DHRS7C: variants seen among roughly 807,000 people sequenced by gnomAD.
DHRS7C encodes dehydrogenase/reductase 7C.
A neutral mutation model predicts 29.6 loss-of-function variants in DHRS7C; 28 were observed. The observed-to-expected ratio is 0.95, with a 90% CI of 0.70 to 1.30. The LOEUF is 1.30. Among genes scored for constraint, DHRS7C ranks in the 50% most tolerant of loss-of-function variants. The pLI, the probability that DHRS7C is intolerant of heterozygous loss-of-function variation, is 0.00. For synonymous variants in DHRS7C, 158 were observed against 160.2 expected (o/e 0.99, Z 0.10); for missense variants, 403 against 393.3 (o/e 1.02, Z -0.21).
chr17:9,780,820 G>A (rs1253748249), intron 2 of DHRS7C, among the ~76,000 whole-genome samples: 3 of 152,354 alleles, frequency 2.0e-5, no homozygotes, highest in East Asian at 3.9e-4. Context: ...TTAACTCAGT[G>A]TTTCTCACAC....
At chr17:9,790,056 C>T (rs555197932) in intron 1 of DHRS7C, among the ~76,000 whole-genome samples, 4 of 152,230 alleles carry the variant, frequency 2.6e-5, no homozygotes, top group South Asian at 2.1e-4. Context: ...ATCCTCAAAG[C>T]GTGCAGATTG....
chr17:9,782,323 G>A (rs2066397526), intron 1 of DHRS7C, among the ~76,000 whole-genome samples: 1 of 152,196 alleles, frequency 6.6e-6, no homozygotes, highest in South Asian at 2.1e-4. Context: ...CTAGGAAGCA[G>A]ACTCTGAGAC....
chr17:9,773,377 C>G (rs1304788205), intron 4 of DHRS7C, among the ~76,000 whole-genome samples: 4 of 152,164 alleles, frequency 2.6e-5, no homozygotes, highest in African/African-American at 9.7e-5. Flanking sequence ...CAGATATCCC[C>G]TCTCCCTTCC....
chr17:9,780,151 G>GA (rs11289724), intron 2 of DHRS7C, 116 bp from the exon 3 acceptor site: 39,659 of 597,900 alleles, frequency 0.066, 1 homozygote, highest in South Asian at 0.11. Flanking sequence ...TGAAATGACT[G>GA]AAAAAAAAAA....
chr17:9,787,855 A>G (rs2066432819), intron 1 of DHRS7C, among the ~76,000 whole-genome samples: 1 of 151,996 alleles, frequency 6.6e-6, no homozygotes, highest in Non-Finnish European at 1.5e-5. Flanking sequence ...ATGCAGGCAT[A>G]TGCCACCACA....
chr17:9,780,453 A>G (rs1241983715), intron 2 of DHRS7C, among the ~76,000 whole-genome samples: 3 of 152,154 alleles, frequency 2.0e-5, no homozygotes, highest in African/African-American at 7.2e-5. Context: ...CTATCACAGT[A>G]CTTAATAGCC....
rs1478695454 is a variant in DHRS7C at position 9,775,243 on chromosome 17, G to A, written c.571+1950C>T. On this transcript the variant is annotated intron_variant, in intron 4 of 5. Coordinates refer to ENST00000571134, the MANE Select transcript of DHRS7C (RefSeq NM_001105571.3). The surrounding 1 kb of genome is among the most constrained non-coding windows in gnomAD (Gnocchi z 4.2). ...GTTTAAAAATACAAGGAGCAGTGGG[G>A]AGATTCCTAAGTGGACTGGGGAAGA... 6.6e-6 allele frequency among the ~76,000 whole-genome samples: 1 copy of A among 152,240 alleles called. No homozygotes were observed. Among genetic ancestry groups the A allele is most frequent in the Non-Finnish European group, 1.5e-5 (1 of 68,042 alleles).
chr17:9,774,913 C>T lies in DHRS7C; in HGVS notation c.572-1991G>A, dbSNP rs1244268877. Among the ~76,000 whole-genome samples, 1 of 152,168 alleles carries T rather than the reference C, an allele frequency of 6.6e-6. No individual in the cohort carries two copies. Among genetic ancestry groups the T allele is most frequent in the African/African-American group, 2.4e-5 (1 of 41,434 alleles). ...TCAGTTCTGACATTTACATGGGAAA[C>T]TCTGTGCCCCTCAATTCCTCAGCTT... On this transcript the variant is annotated intron_variant, in intron 4 of 5. Transcript: ENST00000571134. The surrounding 1 kb of genome is among the most constrained non-coding windows in gnomAD (Gnocchi z 5.0).
intron 1 of DHRS7C, among the ~76,000 whole-genome samples, chr17:9,785,999 C>T (rs2066420955): frequency 6.6e-6 from 1 of 152,016 alleles, no homozygotes; most frequent in South Asian, 2.1e-4. Flanking sequence ...TTTCGGGACC[C>T]ACCGTGACGG....
intron 5 of DHRS7C, 136 bp downstream of exon 5, chr17:9,772,631 G>C (rs115599506): frequency 1.7e-6 from 2 of 1,179,644 alleles, no homozygotes; most frequent in East Asian, 5.2e-5. Context: ...CTGCTGTTGG[G>C]GGTTGCTGAG....
Position 9,772,837 on chromosome 17 carries a change from C to T in DHRS7C, c.657G>A (p.Val219=). The T allele has an allele frequency of 2.5e-6, 4 of 1,614,006 alleles. No homozygotes were observed. The highest frequency in any genetic ancestry group is 3.4e-6 in the Non-Finnish European group (4 of 1,179,900). ...VEEYDVVIST[V]SPTFIRSYHV... is the part of the protein sequence containing the mutation. ...GGTACGACCGGATGAAAGTCGGGCT[C>T]ACGGTGCTGATGACAACATCGTATT... Residue 219 remains valine, a synonymous_variant, in exon 5 of 6, where the codon GTG becomes GTA. Coordinates refer to ENST00000571134, the MANE Select transcript of DHRS7C (RefSeq NM_001105571.3).
rs776322241 is a variant in DHRS7C at position 9,771,663 on chromosome 17, G to A, written c.761C>T (p.Pro254Leu). Reference protein sequence around the residue: ...FFRKLTYGVHPVEVAEEVMRT... With the variant: ...FFRKLTYGVHLVEVAEEVMRT... ...CATCACCTCCTCCGCCACCTCTACTGGGTGCACGCCGTAGGTCAGCTTCCT... is the reference window on the plus strand; with the variant it reads ...CATCACCTCCTCCGCCACCTCTACTAGGTGCACGCCGTAGGTCAGCTTCCT... Residue 254 changes from proline (P) to leucine (L), a missense_variant, in exon 6 of 6, where the codon CCA (proline) becomes CTA (leucine). Physicochemically the swap from Pro to Leu is moderately conservative, Grantham distance 98. Transcript: ENST00000571134. The A allele has an allele frequency of 1.3e-6, 2 of 1,571,118 alleles. No homozygotes were observed. The highest frequency in any genetic ancestry group is 1.2e-5 in the South Asian group (1 of 85,202).
chr17:9,772,221 C>A (rs1408474718), intron 5 of DHRS7C, among the ~76,000 whole-genome samples: 3 of 152,164 alleles, frequency 2.0e-5, no homozygotes, highest in African/African-American at 4.8e-5. Context: ...AACCTTCAGT[C>A]CTTCCAACAA....
Position 9,775,216 on chromosome 17 carries a change from A to C in DHRS7C, c.571+1977T>G, listed in dbSNP as rs889269276. On this transcript the variant is annotated intron_variant, in intron 4 of 5. Transcript: ENST00000571134. The surrounding 1 kb of genome is among the most constrained non-coding windows in gnomAD (Gnocchi z 4.2). Reference sequence around the variant, plus strand: ...CCAGCTGCTGAAAATAACAGACAGAAAGTTTAAAAATACAAGGAGCAGTGG... The same window carrying C: ...CCAGCTGCTGAAAATAACAGACAGACAGTTTAAAAATACAAGGAGCAGTGG... 6.6e-6 allele frequency among the ~76,000 whole-genome samples: 1 copy of C among 152,198 alleles called. No individual in the cohort carries two copies. The highest frequency in any genetic ancestry group is 1.9e-4 in the East Asian group (1 of 5,200).
chr17:9,773,713 T>C (rs1298425047), intron 4 of DHRS7C, among the ~76,000 whole-genome samples: 1 of 144,032 alleles, frequency 6.9e-6, no homozygotes, highest in East Asian at 2.1e-4. Flanking sequence ...TTCTCTGCAA[T>C]GAGGCCTTTT....
intron 3 of DHRS7C, among the ~76,000 whole-genome samples, chr17:9,778,366 C>G (rs905328904): frequency 3.4e-5 from 5 of 148,178 alleles, no homozygotes; most frequent in African/African-American, 1.2e-4. Context: ...TGCATTCCAA[C>G]CTGGGCAATA....
chr17:9,778,080 C>T (rs1305106118), intron 3 of DHRS7C, among the ~76,000 whole-genome samples: 2 of 152,038 alleles, frequency 1.3e-5, no homozygotes, highest in East Asian at 1.9e-4. Flanking sequence ...CTGGGAAACC[C>T]AGCACCTCCA....
chr17:9,786,787 A>G (rs1167657705), intron 1 of DHRS7C, among the ~76,000 whole-genome samples: 1 of 152,154 alleles, frequency 6.6e-6, no homozygotes, highest in Non-Finnish European at 1.5e-5. Context: ...ACAGTTGGCC[A>G]GCAGGGAAGC....
intron 3 of DHRS7C, 79 bp downstream of exon 3, chr17:9,779,746 T>C (rs1193479859): frequency 1.4e-6 from 2 of 1,418,466 alleles, no homozygotes; most frequent in African/African-American, 2.8e-5. Flanking sequence ...TAGAATAGGA[T>C]GACTGTCTGG....
Sources: allele counts gnomAD v4.1 joint callset (sites outside exome capture counted in the v4.1 genomes callset), GRCh38; gene constraint gnomAD v4.1.1; non-coding constraint Gnocchi (gnomAD v3.1); transcripts MANE v1.5; gene names NCBI Gene and HGNC (gene_info 2026-07-23, HGNC 2026-07-21).